KMT2A: variants seen among roughly 807,000 people sequenced by gnomAD.
The protein encoded by KMT2A is histone-lysine N-methyltransferase 2A.
Under a neutral mutation model 345.3 loss-of-function variants are expected in KMT2A, and 16 were observed. The observed-to-expected ratio is 0.05, with a 90% CI of 0.03 to 0.07. The LOEUF (loss-of-function observed/expected upper bound fraction) is 0.07. Ranked by LOEUF, KMT2A falls within the 10% of genes least tolerant of loss-of-function variation. The pLI is 1.00. For synonymous variants in KMT2A, 1,599 were observed against 1,778.6 expected, an observed-to-expected ratio of 0.90 and a Z score of 2.54; for missense variants, 3,272 against 4,841.6, an observed-to-expected ratio of 0.68 and a Z score of 9.62.
intron 1 of KMT2A, among the ~76,000 whole-genome samples, chr11:118,466,802 A>C (rs537473001): frequency 4.1e-4 from 62 of 152,230 alleles, no homozygotes; most frequent in African/African-American, 1.2e-3. Context: ...CTGCCTCAAA[A>C]AAAACAAAAC....
At position 118,491,748 on chromosome 11, in the gene KMT2A, G is replaced by A; in HGVS notation, c.4824G>A (p.Glu1608=). Residue 1608 remains glutamate, a synonymous_variant, in exon 15 of 36, where the codon GAG becomes GAA. Transcript: ENST00000534358. The surrounding 1 kb of genome is among the most constrained non-coding windows in gnomAD (Gnocchi z 4.2). ...GGTAGGTTTTTGTTTTCTTAGATGA[G>A]ATGTATGAGATTCTATCTAATCTGC... ...KCENLSGTED[E]MYEILSNLPE... 1 of 1,597,604 alleles carries A rather than the reference G, an allele frequency of 6.3e-7. No homozygotes were observed. The highest frequency in any genetic ancestry group is 8.5e-7 in the Non-Finnish European group (1 of 1,171,620).
At chr11:118,467,837 C>T (rs1323884703) in intron 1 of KMT2A, among the ~76,000 whole-genome samples, 1 of 152,084 alleles carries the variant, frequency 6.6e-6, no homozygotes, top group Non-Finnish European at 1.5e-5. Context: ...TTCTTCATTC[C>T]TTATTTTGTT....
Position 118,506,310 on chromosome 11 carries a change from G to A in KMT2A, c.10418G>A (p.Arg3473His), listed in dbSNP as rs782670360. Residue 3473 changes from arginine (R) to histidine (H), a missense_variant, in exon 27 of 36, where the codon CGT becomes CAT. By Grantham distance (29) the Arg-to-His change is conservative. This residue lies in a region of KMT2A where 748 missense variants were observed against 922.2 expected (regional missense o/e 0.81). Coordinates refer to ENST00000534358, the MANE Select transcript of KMT2A (RefSeq NM_001197104.2). ...ASKTGIHSSQ[R>H]DLDSASGPQV... Reference sequence around the variant, plus strand: ...AAAACTGGGATTCATTCTTCCCAGCGTGATCTTGATTCTGCTTCAGGGCCC... The same window carrying A: ...AAAACTGGGATTCATTCTTCCCAGCATGATCTTGATTCTGCTTCAGGGCCC... 27 of 1,614,020 alleles carry A rather than the reference G, an allele frequency of 1.7e-5. No homozygotes were observed. The highest frequency in any genetic ancestry group is 3.3e-4 in the Middle Eastern group (2 of 6,084).
At chr11:118,499,799 T>TA in intron 23 of KMT2A, 36 bp from the exon 24 acceptor site, 1 of 1,464,786 alleles carries the variant, frequency 6.8e-7, no homozygotes, top group Non-Finnish European at 9.6e-7. Context: ...ATGACGCTCA[T>TA]AATCTTCTCT....
Position 118,472,000 on chromosome 11 carries a change from C to G in KMT2A, c.841C>G (p.Leu281Val). ...ATTAAGAGCAGGTAAACTCTCTCCT[C>G]TCAAGTCTAAGTTTAAGACAGGGAA... ...KKLRAGKLSP[L>V]KSKFKTGKLQ... Residue 281 changes from leucine (L) to valine (V), a missense_variant, in exon 3 of 36, where the codon CTC (leucine) becomes GTC (valine). Leu to Val is a conservative substitution (Grantham distance 32). Coordinates refer to ENST00000534358, the MANE Select transcript of KMT2A (RefSeq NM_001197104.2). The G allele has an allele frequency of 1.2e-6, 2 of 1,613,984 alleles. No individual in the cohort carries two copies. Among genetic ancestry groups the G allele is most frequent in the Middle Eastern group, 1.7e-4 (1 of 6,060 alleles).
chr11:118,478,342 G>A, intron 5 of KMT2A, 141 bp downstream of exon 5: 1 of 649,288 alleles, frequency 1.5e-6, no homozygotes, highest in South Asian at 1.9e-5. Context: ...TAGATTTTGT[G>A]GTGTGGGCTG....
At chr11:118,464,153 G>A (rs1276514960) in intron 1 of KMT2A, among the ~76,000 whole-genome samples, 12 of 152,212 alleles carry the variant, frequency 7.9e-5, no homozygotes, top group South Asian at 2.1e-4. Flanking sequence ...TGTTCATGCC[G>A]TAATTGAAGA....
In KMT2A at chr11:118,494,787, CTT is replaced by C. The variant is rs1235328142; in HGVS notation, c.5363+27_5363+28del. The C allele has an allele frequency of 6.3e-7, 1 of 1,590,758 alleles. No homozygotes were observed. The highest frequency in any genetic ancestry group is 1.7e-5 in the Admixed American group (1 of 59,578). ...AAGCAAGTAAGTGAATTTAGCATAA[CTT>C]TTTTTTCTCCTCATCGGCTAGAAAT... is the stretch of plus-strand genomic sequence containing the variant. On this transcript the variant is annotated intron_variant, in intron 18 of 35. Coordinates refer to ENST00000534358, the MANE Select transcript of KMT2A (RefSeq NM_001197104.2). The surrounding 1 kb of genome is among the most constrained non-coding windows in gnomAD (Gnocchi z 5.8).
chr11:118,521,961 A>G lies in KMT2A; in HGVS notation c.11708A>G (p.Asn3903Ser). 2 of 1,614,196 alleles carry G rather than the reference A, an allele frequency of 1.2e-6. No individual in the cohort carries two copies. Among genetic ancestry groups the G allele is most frequent in the Non-Finnish European group, 1.7e-6 (2 of 1,180,028 alleles). The change falls in exon 36 of 36, where the codon AAT becomes AGT. Residue 3903 changes from asparagine (N) to serine (S), a missense_variant. Asn to Ser is a conservative substitution (Grantham distance 46, BLOSUM62 1). Around this residue, in one of 27 missense-constraint regions of KMT2A, gnomAD observed 78 missense variants for 254.5 expected, o/e 0.31. Coordinates refer to ENST00000534358, the MANE Select transcript of KMT2A (RefSeq NM_001197104.2). This position sits in a 1 kb window ranked among gnomAD's most constrained non-coding sequence, Gnocchi z 5.3. ...SEVVDATMHG[N>S]AARFINHSCE... ...GTAGTGGATGCCACCATGCATGGAA[A>G]TGCTGCACGCTTCATCAATCACTCG...
rs1555047270 is a variant in KMT2A at position 118,504,448 on chromosome 11, T to A, written c.8556T>A (p.Ile2852=). ...DDCGNILPSD[I]MDFVLKNTPS... is the part of the protein sequence containing the mutation. ...GTGGGAATATCCTGCCTTCAGACAT[T>A]ATGGACTTTGTACTAAAGAATACTC... Residue 2852 remains isoleucine, a synonymous_variant, in exon 27 of 36, where the codon ATT becomes ATA. Coordinates refer to ENST00000534358, the MANE Select transcript of KMT2A (RefSeq NM_001197104.2). This position sits in a 1 kb window ranked among gnomAD's most constrained non-coding sequence, Gnocchi z 6.4. 5.6e-6 allele frequency: 9 copies of A among 1,614,096 alleles called. No homozygotes were observed. The highest frequency in any genetic ancestry group is 7.6e-6 in the Non-Finnish European group (9 of 1,180,044).
chr11:118,441,973 G>A (rs551820238), intron 1 of KMT2A, among the ~76,000 whole-genome samples: 117 of 152,328 alleles, frequency 7.7e-4, no homozygotes, highest in Non-Finnish European at 1.3e-3. Flanking sequence ...TGTGGCTAGA[G>A]GGGGTGGCAA....
intron 1 of KMT2A, among the ~76,000 whole-genome samples, chr11:118,444,946 C>CT (rs1202934505): frequency 3.3e-5 from 5 of 152,188 alleles, no homozygotes; most frequent in Non-Finnish European, 7.3e-5. Context: ...GCTTCATAGT[C>CT]TCATTGTGAG....
chr11:118,480,283 A>G (rs782022457), intron 6 of KMT2A, 45 bp downstream of exon 6: 2 of 1,483,878 alleles, frequency 1.3e-6, no homozygotes, highest in South Asian at 2.3e-5. Context: ...CCTTGCTTAA[A>G]TGGTGTATAG....
In KMT2A at chr11:118,521,799, C is replaced by A; in HGVS notation, c.11644-98C>A. On this transcript the variant is annotated intron_variant, in intron 35 of 35. Transcript: ENST00000534358. This position sits in a 1 kb window ranked among gnomAD's most constrained non-coding sequence, Gnocchi z 5.3. ...GAAATTTTACTAGAAGAAACTTTCTCAGCCGCTATAGGTAACATCAAGAGA... is the reference window on the plus strand; with the variant it reads ...GAAATTTTACTAGAAGAAACTTTCTAAGCCGCTATAGGTAACATCAAGAGA... 1 of 1,293,848 alleles carries A rather than the reference C, an allele frequency of 7.7e-7. No individual in the cohort carries two copies. The highest frequency in any genetic ancestry group is 1.1e-6 in the Non-Finnish European group (1 of 940,498). The allele number at this position is 1,293,848 out of a possible 1,614,324, so 80.1% of individuals were successfully genotyped here.
Position 118,494,529 on chromosome 11 carries a change from C to T in KMT2A, c.5289+131C>T. The T allele has an allele frequency of 1.2e-6, 1 of 820,932 alleles. No individual in the cohort carries two copies. The highest frequency in any genetic ancestry group is 2.0e-6 in the Non-Finnish European group (1 of 509,902). The allele number at this position is 820,932 out of a possible 1,614,324, so 50.9% of individuals were successfully genotyped here. A position where few individuals can be genotyped will look rare whatever the true frequency, so the allele number is the denominator to read the frequency against. Reference sequence around the variant, plus strand: ...AAACATCTTTGGTTTAATTTGATCCCCTGATTCTTTGAGAGGAACTTGGTG... The same window carrying T: ...AAACATCTTTGGTTTAATTTGATCCTCTGATTCTTTGAGAGGAACTTGGTG... On this transcript the variant is annotated intron_variant, in intron 17 of 35. Transcript: ENST00000534358. This position sits in a 1 kb window ranked among gnomAD's most constrained non-coding sequence, Gnocchi z 5.8.
chr11:118,506,766 T>C (rs1950591825), intron 27 of KMT2A, 120 bp downstream of exon 27: 1 of 1,078,644 alleles, frequency 9.3e-7, no homozygotes, highest in Admixed American at 2.7e-5. Context: ...ACCTGGGAGT[T>C]TTCCGGGTTT....
chr11:118,492,820 T>C (rs1950347004), intron 15 of KMT2A, among the ~76,000 whole-genome samples: 1 of 152,250 alleles, frequency 6.6e-6, no homozygotes, highest in Non-Finnish European at 1.5e-5. Context: ...CAATTTCAGC[T>C]TCTTCATACT....
At chr11:118,460,320 G>T (rs910263336) in intron 1 of KMT2A, among the ~76,000 whole-genome samples, 1 of 152,146 alleles carries the variant, frequency 6.6e-6, no homozygotes, top group Non-Finnish European at 1.5e-5. Context: ...ATAGGGACTT[G>T]CTCTGTCACC....
chr11:118,451,207 CTTT>C (rs1167567348), intron 1 of KMT2A, among the ~76,000 whole-genome samples: 5 of 120,982 alleles, frequency 4.1e-5, no homozygotes, highest in Non-Finnish European at 3.5e-5. Context: ...CTATCTAATT[CTTT>C]TTTTTTTTTT....
Sources: gnomAD v4.1 joint callset for allele counts (sites outside exome capture counted in the v4.1 genomes callset) on GRCh38, gnomAD v4.1.1 for gene constraint, gnomAD v4.1.1 regional missense constraint, Gnocchi (gnomAD v3.1) non-coding constraint, MANE v1.5 for transcripts, NCBI Gene and HGNC (gene_info 2026-07-23, HGNC 2026-07-21) for gene names.